CDK14: variants seen among roughly 807,000 people sequenced by gnomAD.
The protein encoded by CDK14 is cyclin-dependent kinase 14.
A neutral mutation model predicts 60.7 loss-of-function variants in CDK14; 34 were observed. That is an observed-to-expected ratio of 0.56 (90% CI 0.43 to 0.75). CDK14 has a LOEUF of 0.75. Ranked by LOEUF, CDK14 falls within the 30% of genes least tolerant of loss-of-function variation. CDK14 has a pLI of 0.00. For missense variants in CDK14, 482 were observed against 564.1 expected (o/e 0.85, Z 1.47); for synonymous variants, 197 against 203.7 (o/e 0.97, Z 0.28).
chr7:90,829,107 A>C (rs1789822054), intron 5 of CDK14, among the ~76,000 whole-genome samples: 1 of 152,168 alleles, frequency 6.6e-6, no homozygotes, highest in Non-Finnish European at 1.5e-5. Context: ...GTGAGAATTC[A>C]TTCACTATCA....
intron 10 of CDK14, among the ~76,000 whole-genome samples, chr7:91,040,521 T>C (rs1797059373): frequency 6.6e-6 from 1 of 152,212 alleles, no homozygotes; most frequent in Non-Finnish European, 1.5e-5. Flanking sequence ...AAATAATCAG[T>C]TATTAGGTTG....
intron 14 of CDK14, among the ~76,000 whole-genome samples, chr7:91,147,323 A>C (rs1446432437): frequency 6.6e-6 from 1 of 151,488 alleles, no homozygotes; most frequent in Non-Finnish European, 1.5e-5. Context: ...GATAATTTTC[A>C]ATATTAGAAA....
At position 90,686,681 on chromosome 7, in the gene CDK14, A is replaced by G. The variant is rs1028138787; in HGVS notation, c.124-39886A>G. ...AAATGAATTAACCAGAAAGCATAAT[A>G]TAGAGTGCATAAGATGAAATAGGAG... On this transcript the variant is annotated intron_variant, in intron 2 of 14. Coordinates refer to ENST00000380050, the MANE Select transcript of CDK14 (RefSeq NM_001287135.2). Among the ~76,000 whole-genome samples, 6 of 152,186 alleles carry G rather than the reference A, an allele frequency of 3.9e-5. No homozygotes were observed. The East Asian group carries it at 5.8e-4, about 15-fold the overall frequency.
rs531984364 is a variant in CDK14, at chr7:91,206,602, T to C, written c.*29-563T>C. Among the ~76,000 whole-genome samples, 33 of 152,294 alleles carry C rather than the reference T, an allele frequency of 2.2e-4. No homozygotes were observed. The South Asian group carries it at 3.5e-3, about 16-fold the overall frequency. On this transcript the variant is annotated intron_variant, in intron 14 of 14. Coordinates refer to ENST00000380050, the MANE Select transcript of CDK14 (RefSeq NM_001287135.2). ...TTGTTATTGTTTTAAGCAGGCATTA[T>C]TGGAAACACGCAGTCCTATACAGGA...
intron 4 of CDK14, among the ~76,000 whole-genome samples, chr7:90,785,059 C>T (rs2188239): frequency 0.43 from 65,732 of 152,006 alleles, 15,005 homozygotes; most frequent in East Asian, 0.82. Context: ...AGACCAATAC[C>T]GCAAGGAAAC....
chr7:91,052,843 C>A (rs888319538), intron 11 of CDK14, among the ~76,000 whole-genome samples: 3 of 152,178 alleles, frequency 2.0e-5, no homozygotes, highest in African/African-American at 7.2e-5. Flanking sequence ...AATGGACTGT[C>A]TCCCAACGAA....
intron 6 of CDK14, among the ~76,000 whole-genome samples, chr7:90,871,381 T>G (rs1791368025): frequency 6.6e-6 from 1 of 152,128 alleles, no homozygotes; most frequent in Non-Finnish European, 1.5e-5. Flanking sequence ...GTGATTTCTT[T>G]GGTGTATGGG....
At chr7:90,745,062 C>A (rs1320094951) in intron 3 of CDK14, among the ~76,000 whole-genome samples, 1 of 152,096 alleles carries the variant, frequency 6.6e-6, no homozygotes, top group Non-Finnish European at 1.5e-5. Context: ...TTATTTATAT[C>A]AATTTACTGA....
At chr7:90,884,046 C>G (rs532406023) in intron 6 of CDK14, among the ~76,000 whole-genome samples, 27 of 152,290 alleles carry the variant, frequency 1.8e-4, no homozygotes, top group African/African-American at 5.8e-4. Context: ...GATGCCCTGT[C>G]TCACCACTCC....
intron 5 of CDK14, among the ~76,000 whole-genome samples, chr7:90,861,543 A>G (rs1235402776): frequency 4.6e-5 from 7 of 152,176 alleles, no homozygotes; most frequent in Non-Finnish European, 8.8e-5. Context: ...ACTGGATGCA[A>G]TAAAGGAGGC....
At chr7:90,891,159 A>G (rs1273161500) in intron 6 of CDK14, among the ~76,000 whole-genome samples, 1 of 152,192 alleles carries the variant, frequency 6.6e-6, no homozygotes, top group Non-Finnish European at 1.5e-5. Flanking sequence ...TTCAGAAAAT[A>G]GTGGACTTCT....
intron 14 of CDK14, among the ~76,000 whole-genome samples, chr7:91,178,571 G>C (rs1196861451): frequency 4.0e-5 from 6 of 151,892 alleles, no homozygotes; most frequent in Non-Finnish European, 5.9e-5. Context: ...ATATGACAAA[G>C]GGCTAATATC....
intron 6 of CDK14, among the ~76,000 whole-genome samples, chr7:90,866,233 T>TACACACACACACACACACAC (rs3038210): frequency 1.4e-4 from 20 of 140,206 alleles, no homozygotes; most frequent in Non-Finnish European, 2.0e-4. Flanking sequence ...CACATACACA[T>TACACACACACACACACACAC]ACACACACAC....
intron 1 of CDK14, among the ~76,000 whole-genome samples, chr7:90,598,264 T>A (rs544975957): frequency 1.3e-4 from 20 of 152,358 alleles, no homozygotes; most frequent in African/African-American, 4.6e-4. Flanking sequence ...TAAAAGTTCC[T>A]TATATTTAAA....
intron 5 of CDK14, among the ~76,000 whole-genome samples, chr7:90,794,330 C>G (rs1442519151): frequency 6.6e-6 from 1 of 152,038 alleles, no homozygotes; most frequent in Non-Finnish European, 1.5e-5. Flanking sequence ...GAGACAGTGT[C>G]GGGGAGCAGA....
chr7:90,775,654 T>TCCCCCTTCCCCTCCCCCTTCCCCG (rs1805005970), intron 4 of CDK14, among the ~76,000 whole-genome samples: 1 of 36,236 alleles, frequency 2.8e-5, no homozygotes, highest in African/African-American at 1.2e-4. Flanking sequence ...CCCCTTCCCC[T>TCCCCCTTCCCCTCCCCCTTCCCCG]CCCCCTTTCT....
At chr7:91,085,300 G>A (rs1033248237) in intron 12 of CDK14, among the ~76,000 whole-genome samples, 1 of 152,034 alleles carries the variant, frequency 6.6e-6, no homozygotes, top group African/African-American at 2.4e-5. Flanking sequence ...AGTTCCTTGG[G>A]GGGTATGGCT....
At chr7:90,720,078 G>C (rs1802390223) in intron 2 of CDK14, among the ~76,000 whole-genome samples, 1 of 152,156 alleles carries the variant, frequency 6.6e-6, no homozygotes, top group Non-Finnish European at 1.5e-5. Flanking sequence ...GAGATTCGAA[G>C]GGAAAAGTAC....
At chr7:91,041,707 T>G (rs1797095531) in intron 10 of CDK14, among the ~76,000 whole-genome samples, 2 of 152,144 alleles carry the variant, frequency 1.3e-5, no homozygotes, top group African/African-American at 4.8e-5. Flanking sequence ...TTACTTACAA[T>G]CCCCCAACCA....
Sources: gnomAD v4.1 joint callset for allele counts (sites outside exome capture counted in the v4.1 genomes callset) on GRCh38, gnomAD v4.1.1 for gene constraint, MANE v1.5 for transcripts, NCBI Gene and HGNC (gene_info 2026-07-23, HGNC 2026-07-21) for gene names.